The following CUBN variants were observed in gnomAD, a reference collection of about 807,000 sequenced individuals.
CUBN encodes cubilin.
CUBN carries 282 observed loss-of-function variants against 405.3 expected under a neutral mutation model. The ratio of observed to expected loss-of-function variants is 0.70; its 90% CI spans 0.63 to 0.77. The LOEUF is 0.77. Ranked by LOEUF, CUBN falls within the 30% of genes least tolerant of loss-of-function variation. The pLI is 0.00. For missense variants in CUBN, 4,514 were observed against 4,475.2 expected (o/e 1.01, Z -0.25); for synonymous variants, 1,684 against 1,617.0 (o/e 1.04, Z -0.99).
intron 17 of CUBN, among the ~76,000 whole-genome samples, chr10:17,077,817 C>CA (rs1835884297): frequency 6.6e-6 from 1 of 152,120 alleles, no homozygotes. Flanking sequence ...TTTAGGATCT[C>CA]AAAATCATTT....
chr10:17,120,739 G>GA (rs1837019660), intron 6 of CUBN, among the ~76,000 whole-genome samples: 1 of 152,152 alleles, frequency 6.6e-6, no homozygotes, highest in Non-Finnish European at 1.5e-5. Flanking sequence ...TTTGCAGGGG[G>GA]AAGAAATAAC....
Position 16,913,979 on chromosome 10 carries a change from A to G in CUBN, c.7365T>C (p.Asp2455=). The G allele has an allele frequency of 6.2e-7, 1 of 1,614,036 alleles. No individual in the cohort carries two copies. The highest frequency in any genetic ancestry group is 8.5e-7 in the Non-Finnish European group (1 of 1,180,026). Residue 2455 remains aspartate (D), a synonymous_variant, in exon 48 of 67, where the codon GAT becomes GAC. Coordinates refer to ENST00000377833, the MANE Select transcript of CUBN (RefSeq NM_001081.4). ...FESSMEECGG[D]LQGSIGTFTS... ...TAAATGTTCCAATAGAGCCCTGAAG[A>G]TCCCCACCACACTCTGACGTGGGGA...
chr10:16,986,743 T>A (rs1833438661), intron 29 of CUBN, among the ~76,000 whole-genome samples: 1 of 151,968 alleles, frequency 6.6e-6, no homozygotes, highest in Admixed American at 6.6e-5. Flanking sequence ...TTTCAAGATC[T>A]CCCTACCCCC....
intron 23 of CUBN, 128 bp from the exon 24 acceptor site, chr10:17,046,222 A>C: frequency 1.3e-6 from 1 of 763,676 alleles, no homozygotes; most frequent in Non-Finnish European, 2.2e-6. Context: ...TCTCTCAAAC[A>C]CTACACTTAC....
chr10:16,961,136 G>A (rs946903280), intron 31 of CUBN, among the ~76,000 whole-genome samples: 1 of 152,118 alleles, frequency 6.6e-6, no homozygotes, highest in Non-Finnish European at 1.5e-5. Flanking sequence ...ATACAGTGGT[G>A]TGACAGCTCA....
chr10:17,110,428 GT>G (rs1346824320), intron 9 of CUBN, among the ~76,000 whole-genome samples: 1 of 152,148 alleles, frequency 6.6e-6, no homozygotes, highest in Non-Finnish European at 1.5e-5. Context: ...TATTCAAAAT[GT>G]TTTTTCTTTC....
At position 17,068,188 on chromosome 10, in the gene CUBN, T is replaced by C. The variant is rs1564501890; in HGVS notation, c.2884A>G (p.Ile962Val). ...YPHGINCTWH[I>V]LVQPNHLIHL... ...ATCAGGTGATTAGGTTGGACTAATA[T>C]ATGCCAAGTACAGTTGATACCGTGG... Residue 962 changes from isoleucine to valine, a missense_variant, in exon 21 of 67, where the codon ATA becomes GTA. By Grantham distance (29) the Ile-to-Val change is conservative. Coordinates refer to ENST00000377833, the MANE Select transcript of CUBN (RefSeq NM_001081.4). 2 of 1,613,648 alleles carry C rather than the reference T, an allele frequency of 1.2e-6. No individual in the cohort carries two copies. The highest frequency in any genetic ancestry group is 1.1e-5 in the South Asian group (1 of 91,080).
chr10:16,899,334 C>T (rs979929786), intron 53 of CUBN, 151 bp from the exon 54 acceptor site: 3 of 702,918 alleles, frequency 4.3e-6, no homozygotes, highest in African/African-American at 1.8e-5. Context: ...ACAGCAAGCT[C>T]TCTCCATAAA....
At chr10:17,028,919 T>G (rs1467428713) in intron 27 of CUBN, among the ~76,000 whole-genome samples, 1 of 152,198 alleles carries the variant, frequency 6.6e-6, no homozygotes, top group Non-Finnish European at 1.5e-5. Flanking sequence ...AATTTAGCAT[T>G]TTGCTCAATG....
chr10:16,953,773 C>A (rs1220203600), intron 32 of CUBN, among the ~76,000 whole-genome samples: 1 of 151,886 alleles, frequency 6.6e-6, no homozygotes, highest in East Asian at 1.9e-4. Flanking sequence ...ATTGCCTGAG[C>A]CTGGGAGGTC....
At chr10:17,084,532 T>A in intron 16 of CUBN, 71 bp from the exon 17 acceptor site, 1 of 1,300,722 alleles carries the variant, frequency 7.7e-7, no homozygotes, top group Non-Finnish European at 1.1e-6. Flanking sequence ...TGGATCCAAT[T>A]TCTAAAAATT....
At position 17,033,345 on chromosome 10, in the gene CUBN, G is replaced by A. The variant is rs185252242; in HGVS notation, c.4017+7688C>T. Among the ~76,000 whole-genome samples, 11 of 152,212 alleles carry A rather than the reference G, an allele frequency of 7.2e-5. No homozygotes were observed. In the East Asian group the frequency reaches 2.1e-3, roughly 29 times the overall value. ...CATGCCTTCTGGGTGCACTATAATTGTCCCTCCCAGCACTTAACGCTGCCT... is the reference window on the plus strand; with the variant it reads ...CATGCCTTCTGGGTGCACTATAATTATCCCTCCCAGCACTTAACGCTGCCT... On this transcript the variant is annotated intron_variant, in intron 27 of 66. Coordinates refer to ENST00000377833, the MANE Select transcript of CUBN (RefSeq NM_001081.4).
In CUBN at chr10:17,126,713, A is replaced by C. The variant is rs142810631; in HGVS notation, c.387+48T>G. 100 of 1,574,980 alleles carry C rather than the reference A, an allele frequency of 6.3e-5. 1 individual carries two copies. In the East Asian group the frequency reaches 1.3e-3, roughly 21 times the overall value. ...GAATAGCAGCTCTATTAATGATTCTAGTATGTTTTCTGTGAAAGATTTGGG... is the reference window on the plus strand; with the variant it reads ...GAATAGCAGCTCTATTAATGATTCTCGTATGTTTTCTGTGAAAGATTTGGG... On this transcript the variant is annotated intron_variant, in intron 4 of 66. Coordinates refer to ENST00000377833, the MANE Select transcript of CUBN (RefSeq NM_001081.4).
In CUBN at chr10:16,840,974, A is replaced by T. The variant is rs1200898158; in HGVS notation, c.9737T>A (p.Ile3246Asn). 2.5e-6 allele frequency: 4 copies of T among 1,614,114 alleles called. No individual in the cohort carries two copies. The highest frequency in any genetic ancestry group is 3.4e-6 in the Non-Finnish European group (4 of 1,179,958). Residue 3246 changes from isoleucine (I) to asparagine (N), a missense_variant, in exon 61 of 67, where the codon ATC becomes AAC. This residue lies in a region of CUBN where 1,186 missense variants were observed against 1,186.9 expected (regional missense o/e 1.00). Coordinates refer to ENST00000377833, the MANE Select transcript of CUBN (RefSeq NM_001081.4). ...AACCGTAAGGAAGTTACCAGAAGAG[A>T]TAAAAGGAGCAGGTACTGTGGAACC... ...FCGSTVPAPF[I>N]SSGNFLTVQF...
At chr10:16,837,999 T>G (rs968865664) in intron 62 of CUBN, among the ~76,000 whole-genome samples, 1 of 152,098 alleles carries the variant, frequency 6.6e-6, no homozygotes, top group Non-Finnish European at 1.5e-5. Flanking sequence ...TTGAGAGAGC[T>G]TTCACCCAAA....
chr10:16,852,445 A>G (rs1324413184), intron 59 of CUBN, among the ~76,000 whole-genome samples: 4 of 51,070 alleles, frequency 7.8e-5, no homozygotes, highest in East Asian at 1.1e-3. Context: ...CCCTCCCTCT[A>G]TCTTTCCCTC....
intron 8 of CUBN, among the ~76,000 whole-genome samples, chr10:17,111,579 T>G (rs1450894976): frequency 6.6e-6 from 1 of 152,216 alleles, no homozygotes; most frequent in African/African-American, 2.4e-5. Context: ...CCTGTATACC[T>G]ACATTTGCAT....
At chr10:16,828,710 G>A (rs946571957) in intron 66 of CUBN, 95 bp downstream of exon 66, 20 of 978,388 alleles carry the variant, frequency 2.0e-5, no homozygotes, top group Admixed American at 7.8e-5. Context: ...TGACAAGAGC[G>A]AGATTCCATC....
chr10:16,911,555 A>G (rs1402884457), intron 48 of CUBN, among the ~76,000 whole-genome samples: 1 of 152,238 alleles, frequency 6.6e-6, no homozygotes, highest in Non-Finnish European at 1.5e-5. Flanking sequence ...ATTAAGGGAT[A>G]GGGAGATGAC....
Sources: gnomAD v4.1 joint callset for allele counts (sites outside exome capture counted in the v4.1 genomes callset) on GRCh38, gnomAD v4.1.1 for gene constraint, gnomAD v4.1.1 regional missense constraint, MANE v1.5 for transcripts, NCBI Gene and HGNC (gene_info 2026-07-23, HGNC 2026-07-21) for gene names.